TELO2: variants seen among roughly 807,000 people sequenced by gnomAD.
TELO2 encodes the protein telomere length regulation protein TEL2 homolog.
A neutral mutation model predicts 91.0 loss-of-function variants in TELO2; 71 were observed. The observed-to-expected ratio is 0.78, with a 90% CI of 0.64 to 0.95. TELO2 has a LOEUF of 0.95. Among genes scored for constraint, TELO2 ranks in the 40% least tolerant of loss-of-function variants. The pLI is 0.00. For missense variants in TELO2, 1,183 were observed against 1,141.3 expected (o/e 1.04, Z -0.53); for synonymous variants, 584 against 518.9 (o/e 1.13, Z -1.71).
chr16:1,499,381 A>G (rs903107423), intron 6 of TELO2, 48 bp downstream of exon 6: 2 of 1,593,442 alleles, frequency 1.3e-6, no homozygotes, highest in African/African-American at 1.3e-5. Flanking sequence ...CCATCACAGC[A>G]AGAATGGCTG....
At chr16:1,495,754 G>A in intron 3 of TELO2, 131 bp downstream of exon 3, 1 of 1,301,956 alleles carries the variant, frequency 7.7e-7, no homozygotes, top group Non-Finnish European at 1.0e-6. Flanking sequence ...AGGTGGGGAT[G>A]TCCCTGTCCC....
intron 17 of TELO2, 186 bp from the exon 18 acceptor site, chr16:1,506,766 C>T (rs1339919766): frequency 1.4e-6 from 2 of 1,406,368 alleles, no homozygotes; most frequent in African/African-American, 1.5e-5. Flanking sequence ...TGGACTTGTG[C>T]CAGACAGCCC....
intron 9 of TELO2, among the ~76,000 whole-genome samples, chr16:1,500,998 G>T (rs1282787562): frequency 6.6e-6 from 1 of 152,204 alleles, no homozygotes; most frequent in East Asian, 1.9e-4. Flanking sequence ...CCTGCAGTTT[G>T]TCCGGCCGGG....
Position 1,507,295 on chromosome 16 carries a change from C to T in TELO2, c.2227-11C>T, listed in dbSNP as rs1385075260. The T allele has an allele frequency of 6.2e-6, 10 of 1,607,680 alleles. No individual in the cohort carries two copies. Among genetic ancestry groups the T allele is most frequent in the Non-Finnish European group, 8.5e-6 (10 of 1,179,836 alleles). The stretch of plus-strand genomic sequence containing the variant: ...CGGGACCCCACTGACTGTCCCTCTG[C>T]TGGTGTCCAGGTGGCTGTGGCCATG... On this transcript the variant is annotated splice_polypyrimidine_tract_variant and intron_variant, in intron 18 of 20. Transcript: ENST00000262319.
chr16:1,494,660 A>C lies in TELO2; in HGVS notation c.335+44A>C. The C allele has an allele frequency of 6.4e-7, 1 of 1,557,654 alleles. No individual in the cohort carries two copies. On this transcript the variant is annotated intron_variant, in intron 2 of 20. Transcript: ENST00000262319. The surrounding 1 kb of genome is among the most constrained non-coding windows in gnomAD (Gnocchi z 5.6). ...TCCTGGGGTTGCCGGTAGCCTCAGA[A>C]GTGATGAGAGTGGCTTGAAGGACTG... is the stretch of plus-strand genomic sequence containing the variant.
At position 1,507,940 on chromosome 16, in the gene TELO2, T is replaced by G. The variant is rs1168828338; in HGVS notation, c.2407+224T>G. Among the ~76,000 whole-genome samples, 5 of 150,432 alleles carry G rather than the reference T, an allele frequency of 3.3e-5. No individual in the cohort carries two copies. In the East Asian group the frequency reaches 9.8e-4, roughly 30 times the overall value. On this transcript the variant is annotated intron_variant, in intron 20 of 20. Coordinates refer to ENST00000262319, the MANE Select transcript of TELO2 (RefSeq NM_016111.4). ...TGTGTGTGTGTGTGGGTGTGTGTGT[T>G]GCAGCTCCTGCAGGCCAGGCTGCCA...
chr16:1,494,249 G>A lies in TELO2; in HGVS notation c.-33G>A, dbSNP rs185487056. 16 of 1,589,236 alleles carry A rather than the reference G, an allele frequency of 1.0e-5. No individual in the cohort carries two copies. Among genetic ancestry groups the A allele is most frequent in the Admixed American group, 1.7e-5 (1 of 59,256 alleles). On this transcript the variant is annotated 5_prime_UTR_variant, in exon 2 of 21. Coordinates refer to ENST00000262319, the MANE Select transcript of TELO2 (RefSeq NM_016111.4). The surrounding 1 kb of genome is among the most constrained non-coding windows in gnomAD (Gnocchi z 5.6). ...GAGCCCTGTGTCCATGTCACAGGTC[G>A]TCTTCCCGTGACGCCCAGATCTGTC... is the stretch of plus-strand genomic sequence containing the variant.
In TELO2 at chr16:1,500,157, T is replaced by C; in HGVS notation, c.995T>C (p.Leu332Pro). 1 of 1,605,128 alleles carries C rather than the reference T, an allele frequency of 6.2e-7. No individual in the cohort carries two copies. Among genetic ancestry groups the C allele is most frequent in the South Asian group, 1.1e-5 (1 of 90,474 alleles). Residue 332 changes from leucine to proline, a missense_variant, in exon 7 of 21, where the codon CTG (leucine) becomes CCG (proline). Leu to Pro is a moderately conservative substitution (Grantham distance 98). Coordinates refer to ENST00000262319, the MANE Select transcript of TELO2 (RefSeq NM_016111.4). ...LAMDSQRRPL[L>P]LQVLKELLET... ...ATGGACAGCCAGCGGCGCCCGCTCC[T>C]GCTGCAGGTACGTGCCTCCTGGCTC...
chr16:1,493,603 CA>C lies in TELO2; in HGVS notation c.-38del, dbSNP rs2039375768. 1 of 152,322 alleles carries C rather than the reference CA, an allele frequency of 6.6e-6. No individual in the cohort carries two copies. The highest frequency in any genetic ancestry group is 6.5e-5 in the Admixed American group (1 of 15,288). 9.4% of individuals were successfully genotyped at this position (152,322 alleles called of 1,614,324 possible). A position where few individuals can be genotyped will look rare whatever the true frequency, so the allele number is the denominator to read the frequency against. On this transcript the variant is annotated splice_region_variant and 5_prime_UTR_variant, in exon 1 of 21. Coordinates refer to ENST00000262319, the MANE Select transcript of TELO2 (RefSeq NM_016111.4). This position sits in a 1 kb window ranked among gnomAD's most constrained non-coding sequence, Gnocchi z 4.3. Reference sequence around the variant, plus strand: ...GCTGCAGTCACCCGGGAGCCGGGTCCAGGTCGGGTTGGGGGTCGGGGATCGG... The same window carrying C: ...GCTGCAGTCACCCGGGAGCCGGGTCCGGTCGGGTTGGGGGTCGGGGATCGG...
Position 1,502,511 on chromosome 16 carries a change from GCTGCTGCCTCTCCCGGGGGGC to G in TELO2, c.1653+112_1654-109del, listed in dbSNP as rs2039727558. Reference sequence around the variant, plus strand: ...ACATATGGCTCCCGTGTGTGACAGGGCTGCTGCCTCTCCCGGGGGGCCTGCGGCCTGGGGCCTCTGCTGGGG... The same window carrying G: ...ACATATGGCTCCCGTGTGTGACAGGGCTGCGGCCTGGGGCCTCTGCTGGGG... On this transcript the variant is annotated intron_variant, in intron 13 of 20. Coordinates refer to ENST00000262319, the MANE Select transcript of TELO2 (RefSeq NM_016111.4). 2.0e-6 allele frequency: 3 copies of G among 1,499,412 alleles called. No homozygotes were observed. The East Asian group carries it at 6.8e-5, about 34-fold the overall frequency. The allele number at this position is 1,499,412 out of a possible 1,614,324, so 92.9% of individuals were successfully genotyped here. A position where few individuals can be genotyped will look rare whatever the true frequency, so the allele number is the denominator to read the frequency against.
Position 1,495,424 on chromosome 16 carries a change from G to C in TELO2, c.414G>C (p.Glu138Asp), listed in dbSNP as rs2039446883. Residue 138 changes from glutamate to aspartate, a missense_variant, in exon 3 of 21, where the codon GAG becomes GAC. Transcript: ENST00000262319. ...LREGRLAVLM[E>D]AQCRQQTQPG... ...AGGGCCGGCTGGCAGTGCTGATGGAGGCGCAGTGTCGGCAGCAGACGCAGC... is the reference window on the plus strand; with the variant it reads ...AGGGCCGGCTGGCAGTGCTGATGGACGCGCAGTGTCGGCAGCAGACGCAGC... The C allele has an allele frequency of 3.1e-6, 5 of 1,597,444 alleles. No homozygotes were observed. The highest frequency in any genetic ancestry group is 1.3e-5 in the African/African-American group (1 of 74,596).
rs200056783 is a variant in TELO2, at chr16:1,502,980, G to C, written c.1820G>C (p.Arg607Pro). 1.9e-6 allele frequency: 3 copies of C among 1,610,908 alleles called. No individual in the cohort carries two copies. The highest frequency in any genetic ancestry group is 2.5e-6 in the Non-Finnish European group (3 of 1,179,892). Residue 607 changes from arginine to proline, a missense_variant, in exon 15 of 21, where the codon CGG (arginine) becomes CCG (proline). Physicochemically the swap from Arg to Pro is moderately radical, Grantham distance 103. Coordinates refer to ENST00000262319, the MANE Select transcript of TELO2 (RefSeq NM_016111.4). Reference protein sequence around the residue: ...SQFYALNYSLRQRMDILDVLT... With the variant: ...SQFYALNYSLPQRMDILDVLT... ...TTCTATGCCCTCAACTACAGCCTCC[G>C]GCAGCGCATGGACATCCTGGATGTA...
rs1385023270 is a variant in TELO2, at chr16:1,493,945, G to T, written c.-36-301G>T. Among the ~76,000 whole-genome samples the T allele has an allele frequency of 1.3e-5, 2 of 152,232 alleles. No homozygotes were observed. Among genetic ancestry groups the T allele is most frequent in the Admixed American group, 6.5e-5 (1 of 15,276 alleles). On this transcript the variant is annotated intron_variant, in intron 1 of 20. Transcript: ENST00000262319. The surrounding 1 kb of genome is among the most constrained non-coding windows in gnomAD (Gnocchi z 4.3). ...CGCTGTGCCCGGGGAACACTCACCA[G>T]CATCTCTAGCCTCCACCTCCCTCTC...
chr16:1,499,701 G>A (rs566142875), intron 6 of TELO2, among the ~76,000 whole-genome samples: 1 of 152,166 alleles, frequency 6.6e-6, no homozygotes, highest in South Asian at 2.1e-4. Context: ...GAGCCCGGAG[G>A]GGGTGAGCCA....
In TELO2 at chr16:1,501,444, G is replaced by A. The variant is rs374647207; in HGVS notation, c.1306G>A (p.Glu436Lys). ...GTACGAAGAGGATGAACTGAGCCTC[G>A]AGCTGCTGGCCTTGGCCTCCCCCCA... Reference protein sequence around the residue: ...FQYEEDELSLELLALASPQPA... With the variant: ...FQYEEDELSLKLLALASPQPA... Residue 436 changes from glutamate (E) to lysine (K), a missense_variant, in exon 10 of 21, where the codon GAG becomes AAG. Transcript: ENST00000262319. 1.4e-5 allele frequency: 23 copies of A among 1,612,204 alleles called. No individual in the cohort carries two copies. Among genetic ancestry groups the A allele is most frequent in the South Asian group, 4.4e-5 (4 of 91,028 alleles).
At position 1,507,390 on chromosome 16, in the gene TELO2, G is replaced by A. The variant is rs746296998; in HGVS notation, c.2291+20G>A. On this transcript the variant is annotated intron_variant, in intron 19 of 20. Coordinates refer to ENST00000262319, the MANE Select transcript of TELO2 (RefSeq NM_016111.4). ...CGATGCGTGAGTGGCCTGTGGGGCT[G>A]GGCCAGGCCAGGGGTGCAGGCAGAC... The A allele has an allele frequency of 8.6e-5, 138 of 1,608,756 alleles. 1 individual carries two copies. The South Asian group carries it at 1.5e-3, about 17-fold the overall frequency.
intron 9 of TELO2, among the ~76,000 whole-genome samples, chr16:1,500,970 G>T (rs1438385199): frequency 6.6e-6 from 1 of 152,180 alleles, no homozygotes; most frequent in African/African-American, 2.4e-5. Flanking sequence ...AGGGAGGCTG[G>T]GGTTAAGGGG....
At chr16:1,501,946 G>C in intron 11 of TELO2, 101 bp from the exon 12 acceptor site, 1 of 1,538,320 alleles carries the variant, frequency 6.5e-7, no homozygotes, top group Non-Finnish European at 9.0e-7. Flanking sequence ...GGGCCGAGGC[G>C]TGAGCTCCGC....
In TELO2 at chr16:1,497,151, G is replaced by GC; in HGVS notation, c.682+50dup. ...TGCCCATCCTGCCCCGACCCTCACAGCCCATCAGCCTTCTGCAGAAGGCCG... is the reference window on the plus strand; with the variant it reads ...TGCCCATCCTGCCCCGACCCTCACAGCCCCATCAGCCTTCTGCAGAAGGCCG... On this transcript the variant is annotated intron_variant, in intron 4 of 20. Transcript: ENST00000262319. The surrounding 1 kb of genome is among the most constrained non-coding windows in gnomAD (Gnocchi z 4.0). 3.7e-6 allele frequency: 6 copies of GC among 1,608,118 alleles called. No homozygotes were observed. Among genetic ancestry groups the GC allele is most frequent in the Non-Finnish European group, 5.1e-6 (6 of 1,175,878 alleles).
Sources: allele counts gnomAD v4.1 joint callset (sites outside exome capture counted in the v4.1 genomes callset), GRCh38; gene constraint gnomAD v4.1.1; non-coding constraint Gnocchi (gnomAD v3.1); transcripts MANE v1.5; gene names NCBI Gene and HGNC (gene_info 2026-07-23, HGNC 2026-07-21).